Variants in RAB3GAP2 observed in about 807,000 individuals in gnomAD.
The protein encoded by RAB3GAP2 is RAB3 GTPase activating non-catalytic protein subunit 2.
RAB3GAP2 carries 87 observed loss-of-function variants against 185.3 expected under a neutral mutation model. That is an observed-to-expected ratio of 0.47 (90% confidence interval 0.39 to 0.56). The LOEUF (loss-of-function observed/expected upper bound fraction) is 0.56. RAB3GAP2 is among the 20% of genes least tolerant of loss of function. The pLI, the probability that RAB3GAP2 is intolerant of heterozygous loss-of-function variation, is 0.00. For missense variants in RAB3GAP2, 1,492 were observed against 1,638.2 expected (o/e 0.91, Z 1.54); for synonymous variants, 554 against 576.1 (o/e 0.96, Z 0.55).
At chr1:220,212,783 G>A (rs1659107852) in intron 4 of RAB3GAP2, 104 bp downstream of exon 4, 1 of 960,896 alleles carries the variant, frequency 1.0e-6, no homozygotes, top group Non-Finnish European at 1.7e-6. Context: ...GTGAACCACT[G>A]CACCCAATCA....
intron 1 of RAB3GAP2, among the ~76,000 whole-genome samples, chr1:220,245,335 GCGAGGCATTGC>G (rs1357683210): frequency 6.6e-6 from 1 of 152,208 alleles, no homozygotes. Context: ...CCGAAGCAGG[GCGAGGCATTGC>G]CTCACTTGGG....
chr1:220,212,987 C>G lies in RAB3GAP2; in HGVS notation c.305-19G>C, dbSNP rs761398644. 2.6e-6 allele frequency: 4 copies of G among 1,561,760 alleles called. No homozygotes were observed. In the East Asian group the frequency reaches 9.1e-5, roughly 36 times the overall value. ...CATTTTGCTGTAAGAATTAAGATAT[C>G]ATATAAAATAATTTTAGCTATAATA... On this transcript the variant is annotated intron_variant, in intron 3 of 34. Transcript: ENST00000358951.
intron 1 of RAB3GAP2, among the ~76,000 whole-genome samples, chr1:220,239,485 C>A (rs1659651570): frequency 6.6e-6 from 1 of 152,158 alleles, no homozygotes; most frequent in African/African-American, 2.4e-5. Context: ...CCCATCTCTG[C>A]CTCCCAAAGT....
In RAB3GAP2 at chr1:220,162,157, G is replaced by T. The variant is rs745984169; in HGVS notation, c.3225+41C>A. The stretch of plus-strand genomic sequence containing the variant: ...TCTTTCTAATATTAGTCAAATAAGA[G>T]AATCAAATAAATAAGAAGTCAATAC... On this transcript the variant is annotated intron_variant, in intron 28 of 34. Transcript: ENST00000358951. 2.9e-6 allele frequency: 4 copies of T among 1,362,008 alleles called. No individual in the cohort carries two copies. In the South Asian group the frequency reaches 4.7e-5, roughly 16 times the overall value. The allele number at this position is 1,362,008 out of a possible 1,614,324, so 84.4% of individuals were successfully genotyped here.
chr1:220,210,737 AG>A, intron 6 of RAB3GAP2, 63 bp downstream of exon 6: 1 of 1,449,836 alleles, frequency 6.9e-7, no homozygotes, highest in Non-Finnish European at 9.6e-7. Flanking sequence ...AACAGTATAA[AG>A]GTGATGCATA....
intron 1 of RAB3GAP2, chr1:220,266,009 A>G (rs761166131): frequency 6.6e-6 from 1 of 152,462 alleles, no homozygotes; most frequent in Non-Finnish European, 1.5e-5. Context: ...TTTACTTTAT[A>G]AAAACAAAAT....
chr1:220,214,066 G>T, intron 2 of RAB3GAP2, 87 bp from the exon 3 acceptor site: 1 of 1,236,570 alleles, frequency 8.1e-7, no homozygotes, highest in Non-Finnish European at 1.2e-6. Context: ...TGAGAGGGAA[G>T]AAAAAAAAGA....
In RAB3GAP2 at chr1:220,153,300, T is replaced by G; in HGVS notation, c.3752A>C (p.Asp1251Ala). 1 of 1,614,196 alleles carries G rather than the reference T, an allele frequency of 6.2e-7. No homozygotes were observed. The highest frequency in any genetic ancestry group is 8.5e-7 in the Non-Finnish European group (1 of 1,180,014). ...TAAATCCACAGCTAGAGCTGGCCAA[T>G]CTTGGTCTTTCCCAAAAGGAGTGGG... ...ATPTPFGKDQ[D>A]WPALAVDLAH... Residue 1251 changes from aspartate (D) to alanine (A), a missense_variant, in exon 33 of 35, where the codon GAT becomes GCT. This residue lies in a region of RAB3GAP2 where 387 missense variants were observed against 455.3 expected (regional missense o/e 0.85). Coordinates refer to ENST00000358951, the MANE Select transcript of RAB3GAP2 (RefSeq NM_012414.4).
intron 8 of RAB3GAP2, among the ~76,000 whole-genome samples, chr1:220,204,234 A>C (rs1394730199): frequency 6.6e-6 from 1 of 152,088 alleles, no homozygotes; most frequent in Non-Finnish European, 1.5e-5. Context: ...AAAAATTCTG[A>C]TGTCTTGGCT....
intron 1 of RAB3GAP2, among the ~76,000 whole-genome samples, chr1:220,265,605 G>A (rs1660214076): frequency 6.6e-6 from 1 of 152,010 alleles, no homozygotes; most frequent in African/African-American, 2.4e-5. Flanking sequence ...ATAAAGTGGG[G>A]ACCTATACTC....
rs756887928 is a variant in RAB3GAP2 at position 220,172,735 on chromosome 1, A to G, written c.2318T>C (p.Leu773Pro). The G allele has an allele frequency of 6.2e-7, 1 of 1,605,364 alleles. No individual in the cohort carries two copies. The highest frequency in any genetic ancestry group is 1.1e-5 in the South Asian group (1 of 90,890). ...TTCCTTTGAAAGCCAAACACTCAGG[A>G]GCAGAGACTGAAATCAAATTTAAAT... ...GLSPQLLLSL[L>P]LSVWLSKEKD... The change falls in exon 22 of 35, where the codon CTC (leucine) becomes CCC (proline). Residue 773 changes from leucine (L) to proline (P), a missense_variant. Coordinates refer to ENST00000358951, the MANE Select transcript of RAB3GAP2 (RefSeq NM_012414.4).
At chr1:220,231,453 G>A (rs538348595) in intron 2 of RAB3GAP2, among the ~76,000 whole-genome samples, 1 of 151,932 alleles carries the variant, frequency 6.6e-6, no homozygotes, top group African/African-American at 2.4e-5. Context: ...TCTTTTTTAT[G>A]TCTCCCTCTC....
intron 27 of RAB3GAP2, among the ~76,000 whole-genome samples, chr1:220,163,740 CATACATATATATAT>C (rs1332729936): frequency 3.4e-4 from 31 of 90,112 alleles, no homozygotes; most frequent in Middle Eastern, 5.4e-3. Context: ...TATATAAATA[CATACATATATATAT>C]ATATATATAT....
chr1:220,180,104 G>A (rs1383383687), intron 21 of RAB3GAP2, among the ~76,000 whole-genome samples: 1 of 152,142 alleles, frequency 6.6e-6, no homozygotes, highest in African/African-American at 2.4e-5. Flanking sequence ...GGAAGTTGCA[G>A]TGAGCCGAGA....
chr1:220,244,024 A>G (rs1017052084), intron 1 of RAB3GAP2, among the ~76,000 whole-genome samples: 1 of 152,228 alleles, frequency 6.6e-6, no homozygotes, highest in Non-Finnish European at 1.5e-5. Context: ...AACTTTTACC[A>G]CTTCTATTCA....
At chr1:220,177,748 C>T (rs1658320064) in intron 21 of RAB3GAP2, among the ~76,000 whole-genome samples, 1 of 151,872 alleles carries the variant, frequency 6.6e-6, no homozygotes, top group African/African-American at 2.4e-5. Flanking sequence ...TTTAAAAATA[C>T]ATAGTCAGAG....
intron 1 of RAB3GAP2, among the ~76,000 whole-genome samples, chr1:220,256,801 G>A (rs1006177892): frequency 2.2e-4 from 33 of 152,158 alleles, no homozygotes; most frequent in African/African-American, 7.7e-4. Context: ...CACAATAATA[G>A]TGGGAGATTT....
Position 220,191,126 on chromosome 1 carries a change from C to A in RAB3GAP2, c.1429G>T (p.Val477Leu). 1 of 1,614,086 alleles carries A rather than the reference C, an allele frequency of 6.2e-7. No homozygotes were observed. The highest frequency in any genetic ancestry group is 8.5e-7 in the Non-Finnish European group (1 of 1,179,980). The change falls in exon 14 of 35, where the codon GTG becomes TTG. Residue 477 changes from valine to leucine, a missense_variant. Coordinates refer to ENST00000358951, the MANE Select transcript of RAB3GAP2 (RefSeq NM_012414.4). Reference sequence around the variant, plus strand: ...CTAGGTCCCTGCTGTGTGCTCCACACTTCTAAAATTCCCCTTCTTGGCGCA... The same window carrying A: ...CTAGGTCCCTGCTGTGTGCTCCACAATTCTAAAATTCCCCTTCTTGGCGCA... The part of the protein sequence containing the change: ...IYAPRRGILE[V>L]WSTQQGPRVG...
At chr1:220,181,297 T>C (rs1658400098) in intron 21 of RAB3GAP2, among the ~76,000 whole-genome samples, 1 of 152,068 alleles carries the variant, frequency 6.6e-6, no homozygotes, top group African/African-American at 2.4e-5. Flanking sequence ...AATTTTTTAT[T>C]ACACCATTTT....
Sources: gnomAD v4.1 joint callset for allele counts (sites outside exome capture counted in the v4.1 genomes callset) on GRCh38, gnomAD v4.1.1 for gene constraint, gnomAD v4.1.1 regional missense constraint, MANE v1.5 for transcripts, NCBI Gene and HGNC (gene_info 2026-07-23, HGNC 2026-07-21) for gene names.